The following CNTN4 variants were observed in gnomAD, a reference collection of about 807,000 sequenced individuals.
CNTN4 encodes the protein contactin 4, also known as contactin-4.
Under a neutral mutation model 122.5 loss-of-function variants are expected in CNTN4, and 77 were observed. The observed-to-expected ratio is 0.63, with a 90% CI of 0.52 to 0.76. CNTN4 has a LOEUF of 0.76. Ranked by LOEUF, CNTN4 falls within the 30% of genes least tolerant of loss-of-function variation. CNTN4 has a pLI of 0.00. For synonymous variants in CNTN4, 512 were observed against 447.0 expected (o/e 1.15, Z -1.83); for missense variants, 1,256 against 1,259.1 (o/e 1.00, Z 0.04).
At chr3:2,921,841 T>C (rs1025734264) in intron 12 of CNTN4, among the ~76,000 whole-genome samples, 1 of 152,154 alleles carries the variant, frequency 6.6e-6, no homozygotes, top group Admixed American at 6.6e-5. Context: ...TTTTGAGGGG[T>C]TCTATTGGCC....
At chr3:2,845,367 G>T (rs1160792959) in intron 7 of CNTN4, among the ~76,000 whole-genome samples, 2 of 151,608 alleles carry the variant, frequency 1.3e-5, no homozygotes, top group South Asian at 4.2e-4. Context: ...AAAGGTAAGA[G>T]TTACATTGTT....
intron 2 of CNTN4, among the ~76,000 whole-genome samples, chr3:2,120,399 ATATATATT>A (rs1265061688): frequency 1.2e-3 from 37 of 30,744 alleles, no homozygotes; most frequent in African/African-American, 3.0e-3. Flanking sequence ...ATATATATAT[ATATATATT>A]TTTTTTTTTT....
At chr3:2,870,148 A>G (rs2150868361) in intron 8 of CNTN4, among the ~76,000 whole-genome samples, 1 of 152,356 alleles carries the variant, frequency 6.6e-6, no homozygotes, top group Non-Finnish European at 1.5e-5. Context: ...CAGGAACACA[A>G]GCACTCCAGA....
chr3:2,256,244 G>T (rs1458335334), intron 2 of CNTN4, among the ~76,000 whole-genome samples: 1 of 152,158 alleles, frequency 6.6e-6, no homozygotes, highest in Non-Finnish European at 1.5e-5. Context: ...AAACCAGGAA[G>T]AAGTCAAATC....
At chr3:2,426,837 G>A (rs1212059634) in intron 3 of CNTN4, among the ~76,000 whole-genome samples, 1 of 152,154 alleles carries the variant, frequency 6.6e-6, no homozygotes, top group Non-Finnish European at 1.5e-5. Flanking sequence ...ATTTCTTCTA[G>A]ATTTTCTAGT....
At chr3:2,620,036 C>T (rs529568217) in intron 4 of CNTN4, among the ~76,000 whole-genome samples, 15 of 152,020 alleles carry the variant, frequency 9.9e-5, no homozygotes, top group Non-Finnish European at 2.2e-4. Flanking sequence ...ATACTCTGTC[C>T]CAGTCCCTGG....
At chr3:2,632,619 C>T (rs1339051138) in intron 4 of CNTN4, among the ~76,000 whole-genome samples, 2 of 152,074 alleles carry the variant, frequency 1.3e-5, no homozygotes, top group African/African-American at 2.4e-5. Flanking sequence ...CCTCTTAGGG[C>T]GTGATTTAAC....
intron 12 of CNTN4, among the ~76,000 whole-genome samples, chr3:2,913,580 T>C (rs1056071986): frequency 2.1e-4 from 32 of 152,182 alleles, no homozygotes; most frequent in Admixed American, 1.8e-3. Flanking sequence ...AAACATTATA[T>C]AATGATAAAA....
chr3:2,191,294 C>T (rs550392037), intron 2 of CNTN4, among the ~76,000 whole-genome samples: 75 of 150,924 alleles, frequency 5.0e-4, no homozygotes, highest in African/African-American at 1.8e-3. Context: ...TAGAACTCAA[C>T]TACCAGATTA....
intron 3 of CNTN4, among the ~76,000 whole-genome samples, chr3:2,354,407 T>A (rs1254874105): frequency 6.6e-6 from 1 of 152,158 alleles, no homozygotes; most frequent in Non-Finnish European, 1.5e-5. Context: ...GGCAGGTGCC[T>A]GTAATCCCAG....
intron 3 of CNTN4, among the ~76,000 whole-genome samples, chr3:2,367,942 C>T (rs893214572): frequency 6.6e-6 from 1 of 151,878 alleles, no homozygotes; most frequent in East Asian, 1.9e-4. Flanking sequence ...TTGAGCTTAC[C>T]TCTACATTTA....
At chr3:2,685,969 C>A (rs901218608) in intron 4 of CNTN4, among the ~76,000 whole-genome samples, 2 of 152,088 alleles carry the variant, frequency 1.3e-5, no homozygotes, top group Non-Finnish European at 2.9e-5. Flanking sequence ...AATGCACAAC[C>A]AATTCCCAAT....
intron 6 of CNTN4, among the ~76,000 whole-genome samples, chr3:2,801,708 G>A (rs2092351776): frequency 6.6e-6 from 1 of 150,540 alleles, no homozygotes; most frequent in African/African-American, 2.5e-5. Context: ...AGTGAGGTAG[G>A]TTTTGGGAGC....
chr3:2,631,693 T>C (rs992825581), intron 4 of CNTN4, among the ~76,000 whole-genome samples: 32 of 151,340 alleles, frequency 2.1e-4, no homozygotes, highest in African/African-American at 7.8e-4. Flanking sequence ...TAAAGTAAAA[T>C]TCAAACCAAG....
chr3:3,005,955 G>A (rs963787281), intron 14 of CNTN4, among the ~76,000 whole-genome samples: 11 of 147,014 alleles, frequency 7.5e-5, no homozygotes, highest in African/African-American at 1.3e-4. Flanking sequence ...GCACGATCTC[G>A]GCTCACTGCC....
chr3:2,256,530 C>G (rs1213393670), intron 2 of CNTN4, among the ~76,000 whole-genome samples: 1 of 152,072 alleles, frequency 6.6e-6, no homozygotes, highest in East Asian at 1.9e-4. Flanking sequence ...AGCATCGTTG[C>G]AAAAATCATC....
chr3:2,288,931 A>G (rs2042038025), intron 2 of CNTN4, among the ~76,000 whole-genome samples: 1 of 152,144 alleles, frequency 6.6e-6, no homozygotes, highest in South Asian at 2.1e-4. Flanking sequence ...AGTTAAATGA[A>G]GGCATTTTAT....
chr3:2,630,496 A>T (rs1023921204), intron 4 of CNTN4, among the ~76,000 whole-genome samples: 1 of 152,164 alleles, frequency 6.6e-6, no homozygotes, highest in African/African-American at 2.4e-5. Flanking sequence ...TTACTAAAAC[A>T]TATACTTAAG....
intron 3 of CNTN4, among the ~76,000 whole-genome samples, chr3:2,353,526 T>C (rs540237357): frequency 6.6e-6 from 1 of 152,178 alleles, no homozygotes; most frequent in East Asian, 1.9e-4. Flanking sequence ...GCTGTAACAG[T>C]CACCGGGAAG....
Sources: allele counts gnomAD v4.1 joint callset (sites outside exome capture counted in the v4.1 genomes callset), GRCh38; gene constraint gnomAD v4.1.1; transcripts MANE v1.5; gene names NCBI Gene and HGNC (gene_info 2026-07-23, HGNC 2026-07-21).